The following LINGO2 variants were observed in gnomAD, a reference collection of about 807,000 sequenced individuals.
The protein encoded by LINGO2 is leucine-rich repeat and immunoglobulin-like domain-containing nogo receptor-interacting protein 2.
Under a neutral mutation model 30.6 loss-of-function variants are expected in LINGO2, and 14 were observed. The observed-to-expected ratio is 0.46, with a 90% CI of 0.30 to 0.72. The LOEUF (loss-of-function observed/expected upper bound fraction) is 0.72, where lower values mean the gene tolerates loss of function less well. Ranked by LOEUF, LINGO2 falls within the 30% of genes least tolerant of loss-of-function variation. The pLI is 0.07. For synonymous variants in LINGO2, 317 were observed against 288.5 expected, an observed-to-expected ratio of 1.10 and a Z score of -1.00; for missense variants, 729 against 751.7, an observed-to-expected ratio of 0.97 and a Z score of 0.35.
chr9:29,040,920 G>C, the LINGO2 span, among the ~76,000 whole-genome samples: 1 of 151,936 alleles, frequency 6.6e-6, no homozygotes, highest in Non-Finnish European at 1.5e-5. Context: ...TATGCACTGA[G>C]TCCATTAATA....
chr9:28,245,672 A>T (rs1321462413), intron 4 of LINGO2, among the ~76,000 whole-genome samples: 10 of 152,172 alleles, frequency 6.6e-5, no homozygotes, highest in Admixed American at 6.5e-4. Flanking sequence ...GAGCCAAATC[A>T]TCAATGAACT....
rs192509415 is a variant in LINGO2, at chr9:28,444,477, C to T, written c.-279+31463G>A. 3.9e-5 allele frequency among the ~76,000 whole-genome samples: 6 copies of T among 152,296 alleles called. No individual in the cohort carries two copies. The East Asian group carries it at 1.2e-3, about 29-fold the overall frequency. On this transcript the variant is annotated intron_variant, in intron 2 of 5. Coordinates refer to ENST00000379992, the Ensembl canonical transcript of LINGO2. ...GTAACACAAATGGGCTGAAACATGC[C>T]CCCATCAACCCATTCACCACGCTGC...
chr9:28,109,211 A>AC (rs1393811446), intron 4 of LINGO2, among the ~76,000 whole-genome samples: 1 of 152,222 alleles, frequency 6.6e-6, no homozygotes, highest in Admixed American at 6.5e-5. Flanking sequence ...CATGTTAAAA[A>AC]CACTCAATAA....
intron 1 of LINGO2, among the ~76,000 whole-genome samples, chr9:28,476,546 A>G (rs1825737596): frequency 6.6e-6 from 1 of 152,220 alleles, no homozygotes; most frequent in Non-Finnish European, 1.5e-5. Context: ...AAGTGCTGGG[A>G]TTACAGGCGT....
chr9:28,914,655 A>G, the LINGO2 span, among the ~76,000 whole-genome samples: 1 of 152,072 alleles, frequency 6.6e-6, no homozygotes. Context: ...TCATATACAG[A>G]GGGCCAATTT....
intron 4 of LINGO2, among the ~76,000 whole-genome samples, chr9:28,273,978 A>G (rs1269278229): frequency 1.3e-5 from 2 of 152,172 alleles, no homozygotes; most frequent in Non-Finnish European, 2.9e-5. Context: ...AAAGCCACAT[A>G]TAATGGCACA....
intron 4 of LINGO2, among the ~76,000 whole-genome samples, chr9:28,254,506 G>A (rs1822315121): frequency 6.6e-6 from 1 of 151,872 alleles, no homozygotes; most frequent in African/African-American, 2.4e-5. Context: ...TTTCATATCT[G>A]GTGCAAAGAA....
chr9:28,629,128 A>C (rs1047706510), intron 1 of LINGO2, among the ~76,000 whole-genome samples: 1 of 152,064 alleles, frequency 6.6e-6, no homozygotes, highest in East Asian at 1.9e-4. Context: ...GACCATGAGA[A>C]GCTTCAGGGT....
chr9:28,541,738 C>T (rs942696729), intron 1 of LINGO2, among the ~76,000 whole-genome samples: 1 of 152,128 alleles, frequency 6.6e-6, no homozygotes, highest in Non-Finnish European at 1.5e-5. Context: ...TAAATCATTA[C>T]AGGGAGCAGA....
the LINGO2 span, among the ~76,000 whole-genome samples, chr9:28,767,993 C>A: frequency 6.6e-6 from 1 of 152,054 alleles, no homozygotes; most frequent in African/African-American, 2.4e-5. Context: ...GCGTTATCAG[C>A]CATTGATGCT....
chr9:28,344,214 C>A (rs891744206), intron 3 of LINGO2, among the ~76,000 whole-genome samples: 2 of 151,970 alleles, frequency 1.3e-5, no homozygotes, highest in Admixed American at 1.3e-4. Flanking sequence ...AGAAAAACAA[C>A]CTGGATCTTT....
intron 2 of LINGO2, among the ~76,000 whole-genome samples, chr9:28,434,686 T>G (rs1236998936): frequency 1.3e-5 from 2 of 152,112 alleles, no homozygotes; most frequent in African/African-American, 4.8e-5. Flanking sequence ...TTTATCACAT[T>G]TACTTTAAAT....
chr9:27,961,302 T>C (rs1281609845), intron 5 of LINGO2, among the ~76,000 whole-genome samples: 1 of 152,202 alleles, frequency 6.6e-6, no homozygotes, highest in East Asian at 1.9e-4. Context: ...AGTGTCTGTA[T>C]ATCTTCATCG....
At chr9:28,394,319 G>A (rs1821956931) in intron 2 of LINGO2, among the ~76,000 whole-genome samples, 1 of 152,178 alleles carries the variant, frequency 6.6e-6, no homozygotes, top group Non-Finnish European at 1.5e-5. Context: ...GAAGGCAAGA[G>A]ATATGAAACG....
chr9:27,957,051 A>C (rs2150996), intron 5 of LINGO2, among the ~76,000 whole-genome samples: 84,842 of 152,046 alleles, frequency 0.56, 24,821 homozygotes, highest in Non-Finnish European at 0.63. Context: ...GCTGTGATTG[A>C]CACTGCACTC....
chr9:28,186,487 G>A lies in LINGO2; in HGVS notation c.-87+108721C>T, dbSNP rs559634040. On this transcript the variant is annotated intron_variant, in intron 4 of 5. Coordinates refer to ENST00000379992, the Ensembl canonical transcript of LINGO2. ...AGATCTCTGTTTTCACAAGGCTAAT[G>A]TTCTAGACAGATGAGACAATGAACA... is the stretch of plus-strand genomic sequence containing the variant. Among the ~76,000 whole-genome samples, 13 of 152,244 alleles carry A rather than the reference G, an allele frequency of 8.5e-5. No individual in the cohort carries two copies. In the South Asian group the frequency reaches 2.7e-3, roughly 32 times the overall value.
intron 4 of LINGO2, among the ~76,000 whole-genome samples, chr9:28,291,638 T>A (rs1823734554): frequency 6.6e-6 from 1 of 152,174 alleles, no homozygotes; most frequent in Admixed American, 6.5e-5. Flanking sequence ...TGAAGCCAGA[T>A]GAAAAGAAAC....
At chr9:28,935,275 G>T in the LINGO2 span, among the ~76,000 whole-genome samples, 24 of 152,158 alleles carry the variant, frequency 1.6e-4, no homozygotes, top group South Asian at 4.6e-3. Context: ...ATAACAGCAT[G>T]CCTCTTTTTC....
In LINGO2 at chr9:28,380,693, T is replaced by A. The variant is rs537061268; in HGVS notation, c.-278-7825A>T. On this transcript the variant is annotated intron_variant, in intron 2 of 5. Coordinates refer to ENST00000379992, the Ensembl canonical transcript of LINGO2. ...TGGTAGCTAATAGGAAGCTACAAAG[T>A]CTTTCTTAAAAGAGATAGTATAAAC... Among the ~76,000 whole-genome samples, 3 of 152,208 alleles carry A rather than the reference T, an allele frequency of 2.0e-5. No individual in the cohort carries two copies. The South Asian group carries it at 6.2e-4, about 32-fold the overall frequency.
Sources: allele counts gnomAD v4.1 joint callset (sites outside exome capture counted in the v4.1 genomes callset), GRCh38; gene constraint gnomAD v4.1.1; transcripts MANE v1.5; gene names NCBI Gene and HGNC (gene_info 2026-07-23, HGNC 2026-07-21).